The following GLG1 variants were observed in gnomAD, a reference collection of about 807,000 sequenced individuals.
GLG1 encodes the protein Golgi apparatus protein 1.
Under a neutral mutation model 160.5 loss-of-function variants are expected in GLG1, and 38 were observed. The ratio of observed to expected loss-of-function variants is 0.24; its 90% CI spans 0.18 to 0.31. GLG1 has a LOEUF of 0.31. Among genes scored for constraint, GLG1 ranks in the 10% least tolerant of loss-of-function variants. The probability of loss-of-function intolerance (pLI) is 1.00; values close to 1 mark genes in which losing one functional copy is unlikely to be tolerated. For synonymous variants in GLG1, 644 were observed against 543.4 expected (o/e 1.19, Z -2.57); for missense variants, 1,373 against 1,505.2 (o/e 0.91, Z 1.45).
chr16:74,574,951 G>GAACAAGAA (rs1220758473), intron 1 of GLG1, among the ~76,000 whole-genome samples: 1 of 75,958 alleles, frequency 1.3e-5, no homozygotes, highest in Non-Finnish European at 2.4e-5. Flanking sequence ...TCCATATAAA[G>GAACAAGAA]AACAAGAAGC....
chr16:74,488,664 G>A (rs887483888), intron 8 of GLG1, among the ~76,000 whole-genome samples: 2 of 151,934 alleles, frequency 1.3e-5, no homozygotes, highest in African/African-American at 4.8e-5. Context: ...CTATTGCCCA[G>A]GCTGGAGTGC....
chr16:74,599,845 C>T (rs1958397495), intron 1 of GLG1, among the ~76,000 whole-genome samples: 2 of 150,394 alleles, frequency 1.3e-5, no homozygotes, highest in Non-Finnish European at 1.5e-5. Context: ...GCCTGGGTGA[C>T]AGAGCTAGAC....
intron 1 of GLG1, among the ~76,000 whole-genome samples, chr16:74,573,798 C>CT (rs74457179): frequency 0.13 from 19,060 of 142,392 alleles, 1,585 homozygotes; most frequent in Admixed American, 0.24. Context: ...TATCTAGCGT[C>CT]TTTTTTTTTT....
intron 4 of GLG1, among the ~76,000 whole-genome samples, chr16:74,500,862 C>T (rs1317722528): frequency 6.6e-6 from 1 of 152,068 alleles, no homozygotes; most frequent in Non-Finnish European, 1.5e-5. Context: ...ATATAAAATT[C>T]TAAAGCCTTT....
chr16:74,587,396 A>C (rs1424190582), intron 1 of GLG1, among the ~76,000 whole-genome samples: 1 of 152,242 alleles, frequency 6.6e-6, no homozygotes, highest in African/African-American at 2.4e-5. Flanking sequence ...ACCAAGAAAG[A>C]GTGAGAATAA....
intron 1 of GLG1, among the ~76,000 whole-genome samples, chr16:74,574,774 C>G (rs1311318599): frequency 6.9e-6 from 1 of 144,610 alleles, no homozygotes; most frequent in Admixed American, 7.4e-5. Flanking sequence ...GTCCCAGTTG[C>G]TTGAAAGGCT....
intron 25 of GLG1, among the ~76,000 whole-genome samples, chr16:74,453,597 C>A (rs1171015533): frequency 1.3e-5 from 2 of 152,180 alleles, no homozygotes; most frequent in Non-Finnish European, 2.9e-5. Flanking sequence ...GTGATCACCA[C>A]TAACACCAGG....
At chr16:74,498,449 T>TATATATATATATATATATATATAA (rs2016283934) in intron 4 of GLG1, among the ~76,000 whole-genome samples, 1 of 60,176 alleles carries the variant, frequency 1.7e-5, no homozygotes, top group Non-Finnish European at 3.4e-5. Flanking sequence ...AAAAAAAAAG[T>TATATATATATATATATATATATAA]ATATATATAT....
At chr16:74,492,931 A>C (rs1224296308) in intron 7 of GLG1, 26 bp downstream of exon 7, 1 of 1,466,232 alleles carries the variant, frequency 6.8e-7, no homozygotes. Flanking sequence ...CAGAAATGAT[A>C]ATTAAAAAAA....
rs537704732 is a variant in GLG1 at position 74,580,341 on chromosome 16, C to A, written c.438+26316G>T. On this transcript the variant is annotated intron_variant, in intron 1 of 25. Transcript: ENST00000422840. The stretch of plus-strand genomic sequence containing the variant: ...CTCTACAAAAAAAACTAAAAAAAAA[C>A]CAAACAAAAAAACCAAGCCTGGTAG... Among the ~76,000 whole-genome samples, 221 of 151,654 alleles carry A rather than the reference C, an allele frequency of 1.5e-3. 2 individuals carry two copies. The highest frequency in any genetic ancestry group is 3.4e-3 in the Middle Eastern group (1 of 294).
chr16:74,511,885 A>C (rs2016819301), intron 2 of GLG1, among the ~76,000 whole-genome samples: 1 of 152,138 alleles, frequency 6.6e-6, no homozygotes, highest in South Asian at 2.1e-4. Context: ...CCTAAGAACC[A>C]TGACAGTATT....
intron 1 of GLG1, among the ~76,000 whole-genome samples, chr16:74,542,891 A>G (rs1173597817): frequency 1.3e-5 from 2 of 152,234 alleles, no homozygotes; most frequent in Non-Finnish European, 2.9e-5. Context: ...TGATTCTGTC[A>G]ATGCAGCTCA....
At position 74,447,583 on chromosome 16, in the gene GLG1, G is replaced by A. The variant is rs969344602; in HGVS notation, c.*5584C>T. The A allele has an allele frequency of 6.6e-6, 1 of 152,198 alleles. No homozygotes were observed. Among genetic ancestry groups the A allele is most frequent in the Non-Finnish European group, 1.5e-5 (1 of 68,032 alleles). 9.4% of individuals were successfully genotyped at this position (152,198 alleles called of 1,614,324 possible). Reference sequence around the variant, plus strand: ...AGGGACCACCACGATTTTATACATAGAAAGGAAACCCATTTACAAAAGAGG... The same window carrying A: ...AGGGACCACCACGATTTTATACATAAAAAGGAAACCCATTTACAAAAGAGG... On this transcript the variant is annotated 3_prime_UTR_variant, in exon 26 of 26. Coordinates refer to ENST00000422840, the MANE Select transcript of GLG1 (RefSeq NM_001145667.2).
intron 4 of GLG1, among the ~76,000 whole-genome samples, chr16:74,498,540 A>C (rs2143428041): frequency 7.1e-6 from 1 of 141,304 alleles, no homozygotes; most frequent in African/African-American, 2.6e-5. Flanking sequence ...GTTATAATAA[A>C]ATACCTATCT....
chr16:74,551,770 A>C (rs1215733356), intron 1 of GLG1, among the ~76,000 whole-genome samples: 1 of 152,058 alleles, frequency 6.6e-6, no homozygotes, highest in Non-Finnish European at 1.5e-5. Flanking sequence ...TCAAATGTAC[A>C]AGGAGAATTA....
chr16:74,503,982 A>G (rs957171681), intron 3 of GLG1, among the ~76,000 whole-genome samples: 1 of 152,214 alleles, frequency 6.6e-6, no homozygotes, highest in Non-Finnish European at 1.5e-5. Flanking sequence ...AAACCTGATT[A>G]ATGTGTTTTG....
chr16:74,474,531 C>G lies in GLG1; in HGVS notation c.2052+15G>C. On this transcript the variant is annotated intron_variant, in intron 13 of 25. Coordinates refer to ENST00000422840, the MANE Select transcript of GLG1 (RefSeq NM_001145667.2). ...CAGCCACTCTCCTCCAATGAGTAAG[C>G]TGCATACCACTTACCTCTGATTCTA... 2 of 1,226,076 alleles carry G rather than the reference C, an allele frequency of 1.6e-6. No homozygotes were observed. Among genetic ancestry groups the G allele is most frequent in the Non-Finnish European group, 1.2e-6 (1 of 825,122 alleles). 75.9% of individuals were successfully genotyped at this position (1,226,076 alleles called of 1,614,324 possible).
chr16:74,560,390 C>G (rs181018570), intron 1 of GLG1, among the ~76,000 whole-genome samples: 26 of 146,520 alleles, frequency 1.8e-4, no homozygotes, highest in Admixed American at 7.8e-4. Flanking sequence ...TGCAATGGCA[C>G]GATCTCAGCT....
chr16:74,607,055 A>C lies in GLG1; in HGVS notation c.40T>G (p.Ser14Ala), dbSNP rs368678359. 1.7e-4 allele frequency: 271 copies of C among 1,587,124 alleles called. 2 individuals carry two copies. The highest frequency in any genetic ancestry group is 7.6e-4 in the East Asian group (33 of 43,690). Residue 14 changes from serine (S) to alanine (A), a missense_variant, in exon 1 of 26, where the codon TCG becomes GCG. Physicochemically the swap from Ser to Ala is moderately conservative, Grantham distance 99. Transcript: ENST00000422840. Reference sequence around the variant, plus strand: ...AGCAGCAGCAGATGCAGCGCCGCCGACAAGCGGAACATCCTCCGTACACGT... The same window carrying C: ...AGCAGCAGCAGATGCAGCGCCGCCGCCAAGCGGAACATCCTCCGTACACGT... ...CGRVRRMFRL[S>A]AALHLLLLFA...
Sources: gnomAD v4.1 joint callset for allele counts (sites outside exome capture counted in the v4.1 genomes callset) on GRCh38, gnomAD v4.1.1 for gene constraint, MANE v1.5 for transcripts, NCBI Gene and HGNC (gene_info 2026-07-23, HGNC 2026-07-21) for gene names.